Variants in RBM6 observed in about 807,000 individuals in gnomAD.
The protein encoded by RBM6 is RNA-binding protein 6.
In RBM6, 23 loss-of-function variants were observed where a neutral mutation model predicts 140.4. The observed-to-expected ratio is 0.16, with a 90% confidence interval of 0.12 to 0.23. The LOEUF is 0.23. Among genes scored for constraint, RBM6 ranks in the 10% least tolerant of loss-of-function variants. The pLI, the probability that RBM6 is intolerant of heterozygous loss-of-function variation, is 1.00. For synonymous variants in RBM6, 439 were observed against 475.6 expected (o/e 0.92, Z 1.00); for missense variants, 1,139 against 1,386.7 (o/e 0.82, Z 2.84).
chr3:50,069,043 G>T (rs778073028), intron 18 of RBM6, among the ~76,000 whole-genome samples: 18 of 152,170 alleles, frequency 1.2e-4, no homozygotes, highest in Admixed American at 1.3e-4. Flanking sequence ...TTTTAAATTA[G>T]TTGAGTTAAT....
intron 6 of RBM6, among the ~76,000 whole-genome samples, chr3:50,040,057 TA>T (rs1378798329): frequency 2.0e-5 from 3 of 152,148 alleles, no homozygotes; most frequent in Non-Finnish European, 4.4e-5. Flanking sequence ...AGGCATTTTC[TA>T]GAACCTGAAT....
chr3:50,054,215 G>A (rs2089606811), intron 7 of RBM6, 120 bp from the exon 8 acceptor site: 1 of 808,096 alleles, frequency 1.2e-6, no homozygotes, highest in Non-Finnish European at 2.1e-6. Flanking sequence ...CTTTTTTTAA[G>A]CTTTGAGGGG....
At chr3:49,953,833 T>TA (rs1198444670) in intron 1 of RBM6, among the ~76,000 whole-genome samples, 4 of 150,600 alleles carry the variant, frequency 2.7e-5, no homozygotes, top group Non-Finnish European at 3.0e-5. Flanking sequence ...CCTGACTAAT[T>TA]AAAAAAAAAA....
chr3:49,987,227 G>A (rs1181325333), intron 5 of RBM6, among the ~76,000 whole-genome samples: 1 of 151,678 alleles, frequency 6.6e-6, no homozygotes, highest in African/African-American at 2.4e-5. Context: ...TGGGATTACA[G>A]GCATGAGCCA....
chr3:49,994,063 GTGTT>G (rs757423693), intron 5 of RBM6, among the ~76,000 whole-genome samples: 123 of 152,240 alleles, frequency 8.1e-4, no homozygotes, highest in Non-Finnish European at 9.6e-4. Context: ...GTGGGATTGT[GTGTT>G]TGTTTGTTTG....
intron 4 of RBM6, among the ~76,000 whole-genome samples, chr3:49,972,674 A>G (rs926731782): frequency 2.6e-5 from 4 of 152,182 alleles, no homozygotes; most frequent in African/African-American, 9.7e-5. Flanking sequence ...AATATTAAGC[A>G]TTACTGTATG....
chr3:49,968,399 C>T lies in RBM6; in HGVS notation c.974C>T (p.Pro325Leu), dbSNP rs751789723. 4 of 1,613,994 alleles carry T rather than the reference C, an allele frequency of 2.5e-6. No homozygotes were observed. The African/African-American group carries it at 5.3e-5, about 22-fold the overall frequency. ...ESTHDHTIER[P>L]AFGIQKGEFE... ...ACACATGACCATACGATAGAAAGGC[C>T]TGCTTTTGGCATTCAGAAGGGAGAA... is the stretch of plus-strand genomic sequence containing the variant. The change falls in exon 3 of 21, where the codon CCT (proline) becomes CTT (leucine). Residue 325 changes from proline (P) to leucine (L), a missense_variant. Physicochemically the swap from Pro to Leu is moderately conservative, Grantham distance 98 (BLOSUM62 -3). Transcript: ENST00000266022.
At chr3:50,057,326 C>T (rs2089742766) in intron 8 of RBM6, among the ~76,000 whole-genome samples, 1 of 152,112 alleles carries the variant, frequency 6.6e-6, no homozygotes, top group Non-Finnish European at 1.5e-5. Flanking sequence ...TTTGCTCACA[C>T]CTGTAATCCC....
At position 49,999,532 on chromosome 3, in the gene RBM6, C is replaced by G. The variant is rs1452002757; in HGVS notation, c.1557+19C>G. On this transcript the variant is annotated intron_variant, in intron 6 of 20. Coordinates refer to ENST00000266022, the MANE Select transcript of RBM6 (RefSeq NM_005777.3). ...CAACCAGGTTGCTTTATACTTCGGT[C>G]AAATGATGCTGGAAGGATATATTTT... 6.3e-7 allele frequency: 1 copy of G among 1,575,430 alleles called. No individual in the cohort carries two copies. Among genetic ancestry groups the G allele is most frequent in the Non-Finnish European group, 8.7e-7 (1 of 1,145,302 alleles).
At chr3:49,964,798 A>T (rs2084434584) in intron 2 of RBM6, among the ~76,000 whole-genome samples, 1 of 152,208 alleles carries the variant, frequency 6.6e-6, no homozygotes. Context: ...CAGAAATGTT[A>T]GGTTAATTTA....
intron 1 of RBM6, among the ~76,000 whole-genome samples, chr3:49,944,019 TTTTACCCA>T (rs1018933400): frequency 6.6e-6 from 1 of 152,168 alleles, no homozygotes; most frequent in African/African-American, 2.4e-5. Flanking sequence ...GTTTGTACCT[TTTTACCCA>T]TTTTTAAGTG....
At chr3:49,969,234 A>T (rs1263510662) in intron 3 of RBM6, among the ~76,000 whole-genome samples, 1 of 149,780 alleles carries the variant, frequency 6.7e-6, no homozygotes, top group Non-Finnish European at 1.5e-5. Context: ...CATGTTGGCC[A>T]GGCTGGTCTC....
chr3:50,043,805 A>G (rs1009031117), intron 6 of RBM6, among the ~76,000 whole-genome samples: 1 of 150,720 alleles, frequency 6.6e-6, no homozygotes, highest in Admixed American at 6.6e-5. Flanking sequence ...GATGGTCTTG[A>G]TCTCCTGACC....
At position 50,040,776 on chromosome 3, in the gene RBM6, C is replaced by G. The variant is rs1307874371; in HGVS notation, c.1558-7469C>G. Among the ~76,000 whole-genome samples the G allele has an allele frequency of 2.6e-5, 4 of 151,828 alleles. No homozygotes were observed. In the South Asian group the frequency reaches 8.3e-4, roughly 32 times the overall value. ...GGTTCAAGCAACCCTCCCACCTCAG[C>G]CCCTGGAGTAGTTAGGATAACAGGC... On this transcript the variant is annotated intron_variant, in intron 6 of 20. Transcript: ENST00000266022.
intron 18 of RBM6, 144 bp from the exon 19 acceptor site, chr3:50,070,311 C>T (rs41291720): frequency 0.011 from 6,568 of 611,246 alleles, 134 homozygotes; most frequent in South Asian, 0.049. Context: ...GCTGAGATCA[C>T]GCCAGTGTAC....
At chr3:49,993,898 T>G (rs1214686428) in intron 5 of RBM6, among the ~76,000 whole-genome samples, 1 of 151,932 alleles carries the variant, frequency 6.6e-6, no homozygotes, top group Non-Finnish European at 1.5e-5. Flanking sequence ...GCCGAGATAG[T>G]GCCATTGCAC....
chr3:49,978,553 A>T (rs1296716305), intron 5 of RBM6, among the ~76,000 whole-genome samples: 3 of 152,180 alleles, frequency 2.0e-5, no homozygotes, highest in Non-Finnish European at 4.4e-5. Flanking sequence ...TCACAATTTT[A>T]TCTAGAACCT....
rs181540747 is a variant in RBM6 at position 49,974,931 on chromosome 3, C to G, written c.1414-392C>G. Among the ~76,000 whole-genome samples the G allele has an allele frequency of 1.2e-4, 18 of 152,090 alleles. No homozygotes were observed. The East Asian group carries it at 2.3e-3, about 20-fold the overall frequency. On this transcript the variant is annotated intron_variant, in intron 4 of 20. Coordinates refer to ENST00000266022, the MANE Select transcript of RBM6 (RefSeq NM_005777.3). ...CGAACTCCTGACCTCAGGTTATCCA[C>G]CCGCCTTGGATTCCCAAAGTGCTGG...
At chr3:49,957,985 C>G (rs1459861432) in intron 1 of RBM6, among the ~76,000 whole-genome samples, 1 of 152,116 alleles carries the variant, frequency 6.6e-6, no homozygotes. Flanking sequence ...TTGTACGCCA[C>G]CACACGTGGC....
Sources: allele counts gnomAD v4.1 joint callset (sites outside exome capture counted in the v4.1 genomes callset), GRCh38; gene constraint gnomAD v4.1.1; transcripts MANE v1.5; gene names NCBI Gene and HGNC (gene_info 2026-07-23, HGNC 2026-07-21).